The following EXOC4 variants were observed in gnomAD, a reference collection of about 807,000 sequenced individuals.
EXOC4 encodes exocyst complex component 4, also known as SEC8-like 1.
In EXOC4, 71 loss-of-function variants were observed where a neutral mutation model predicts 107.2. The observed-to-expected ratio is 0.66, with a 90% confidence interval of 0.55 to 0.81. The LOEUF is 0.81. Ranked by LOEUF, EXOC4 falls within the 30% of genes least tolerant of loss-of-function variation. The probability of loss-of-function intolerance (pLI) is 0.00; values close to 1 mark genes in which losing one functional copy is unlikely to be tolerated. For missense variants in EXOC4, 1,108 were observed against 1,189.6 expected, an observed-to-expected ratio of 0.93 and a Z score of 1.01; for synonymous variants, 456 against 441.2, an observed-to-expected ratio of 1.03 and a Z score of -0.42.
chr7:133,813,882 C>A (rs932056180), intron 10 of EXOC4, among the ~76,000 whole-genome samples: 3 of 152,010 alleles, frequency 2.0e-5, no homozygotes, highest in Non-Finnish European at 2.9e-5. Flanking sequence ...GTTAATAGAG[C>A]GTTTAACTGG....
intron 12 of EXOC4, among the ~76,000 whole-genome samples, chr7:133,904,148 G>T (rs1329392721): frequency 1.3e-5 from 2 of 152,098 alleles, no homozygotes; most frequent in Non-Finnish European, 2.9e-5. Flanking sequence ...TCACAGGAAG[G>T]TTTTTTTGTT....
intron 7 of EXOC4, among the ~76,000 whole-genome samples, chr7:133,442,769 T>C (rs765545871): frequency 2.0e-5 from 3 of 152,188 alleles, no homozygotes; most frequent in Non-Finnish European, 4.4e-5. Context: ...TGCTGGATAC[T>C]GAAGAAAGGA....
At chr7:133,365,180 G>T (rs1451201559) in intron 6 of EXOC4, among the ~76,000 whole-genome samples, 2 of 152,068 alleles carry the variant, frequency 1.3e-5, no homozygotes, top group Non-Finnish European at 2.9e-5. Flanking sequence ...GGGCATTCTT[G>T]TACTAGGAAC....
chr7:133,644,903 A>G (rs1198509598), intron 10 of EXOC4, among the ~76,000 whole-genome samples: 2 of 151,986 alleles, frequency 1.3e-5, no homozygotes, highest in Non-Finnish European at 2.9e-5. Context: ...ATTTTTCTGT[A>G]TTCTTCCTGT....
intron 13 of EXOC4, among the ~76,000 whole-genome samples, chr7:133,933,263 C>A (rs1203000898): frequency 6.6e-6 from 1 of 152,124 alleles, no homozygotes; most frequent in Non-Finnish European, 1.5e-5. Context: ...AGATAGAGCT[C>A]TTTAAAGATT....
intron 10 of EXOC4, among the ~76,000 whole-genome samples, chr7:133,778,022 A>T (rs1432030406): frequency 6.6e-6 from 1 of 151,710 alleles, no homozygotes; most frequent in East Asian, 1.9e-4. Flanking sequence ...TCCATTTTTT[A>T]AAAAAATGTC....
chr7:133,719,902 A>G, intron 10 of EXOC4, among the ~76,000 whole-genome samples: 1 of 149,178 alleles, frequency 6.7e-6, no homozygotes, highest in East Asian at 1.9e-4. Flanking sequence ...ACTTCTCAGG[A>G]AAGGATGGAT....
At chr7:133,659,051 AG>A (rs1212072673) in intron 10 of EXOC4, among the ~76,000 whole-genome samples, 1 of 123,162 alleles carries the variant, frequency 8.1e-6, no homozygotes, top group Non-Finnish European at 1.6e-5. Context: ...AAATGGGAAA[AG>A]GGGCTGGTTT....
intron 9 of EXOC4, among the ~76,000 whole-genome samples, chr7:133,562,079 G>C (rs1413960051): frequency 1.3e-5 from 2 of 152,232 alleles, no homozygotes; most frequent in East Asian, 3.8e-4. Context: ...CAGTTAGCCA[G>C]TGGGGAAATT....
chr7:134,081,356 TTAAA>T, the EXOC4 span, among the ~76,000 whole-genome samples: 2 of 151,686 alleles, frequency 1.3e-5, no homozygotes, highest in Admixed American at 1.3e-4. Flanking sequence ...CCTCAAAAAA[TTAAA>T]TAAATAAATA....
intron 7 of EXOC4, among the ~76,000 whole-genome samples, chr7:133,394,863 A>G (rs76000060): frequency 2.0e-5 from 3 of 152,084 alleles, no homozygotes; most frequent in Non-Finnish European, 4.4e-5. Context: ...AAAGCGCCTG[A>G]CAATGTCCTT....
intron 11 of EXOC4, among the ~76,000 whole-genome samples, chr7:133,837,873 A>C (rs190057490): frequency 6.6e-6 from 1 of 152,320 alleles, no homozygotes; most frequent in East Asian, 1.9e-4. Flanking sequence ...AAACTTAAGG[A>C]TATTGAATGT....
chr7:133,419,551 A>G (rs1563058438), intron 7 of EXOC4, among the ~76,000 whole-genome samples: 1 of 152,158 alleles, frequency 6.6e-6, no homozygotes, highest in Non-Finnish European at 1.5e-5. Flanking sequence ...TACACAGCCA[A>G]CACTCAAGTA....
intron 12 of EXOC4, 117 bp from the exon 13 acceptor site, chr7:133,917,466 T>G: frequency 1.0e-6 from 1 of 953,210 alleles, no homozygotes; most frequent in Non-Finnish European, 1.6e-6. Flanking sequence ...GATAATGGAT[T>G]ATGTTCAAAG....
At chr7:133,280,558 CACAA>C (rs774729923) in intron 2 of EXOC4, among the ~76,000 whole-genome samples, 12 of 152,116 alleles carry the variant, frequency 7.9e-5, no homozygotes, top group Non-Finnish European at 1.2e-4. Context: ...GAGATGTGCA[CACAA>C]ACACTTAACA....
intron 10 of EXOC4, among the ~76,000 whole-genome samples, chr7:133,633,679 C>G (rs1209796937): frequency 7.3e-6 from 1 of 137,690 alleles, no homozygotes; most frequent in African/African-American, 2.7e-5. Context: ...GATCGCGCCA[C>G]TGCACTCAAG....
At chr7:133,790,536 G>A (rs1352208937) in intron 10 of EXOC4, among the ~76,000 whole-genome samples, 1 of 152,218 alleles carries the variant, frequency 6.6e-6, no homozygotes. Context: ...GCTATCACAA[G>A]TTCACATGTT....
intron 5 of EXOC4, among the ~76,000 whole-genome samples, chr7:133,348,274 T>G (rs570184761): frequency 6.6e-6 from 1 of 152,228 alleles, no homozygotes; most frequent in Non-Finnish European, 1.5e-5. Flanking sequence ...ATCTGTTCAG[T>G]GTTTATGCTC....
At chr7:134,084,173 A>G in the EXOC4 span, among the ~76,000 whole-genome samples, 1 of 152,156 alleles carries the variant, frequency 6.6e-6, no homozygotes, top group African/African-American at 2.4e-5. Flanking sequence ...GTTTCTACTG[A>G]TCAGTTATCA....
Sources: allele counts gnomAD v4.1 joint callset (sites outside exome capture counted in the v4.1 genomes callset), GRCh38; gene constraint gnomAD v4.1.1; transcripts MANE v1.5; gene names NCBI Gene and HGNC (gene_info 2026-07-23, HGNC 2026-07-21).